BABAM2: variants seen among roughly 807,000 people sequenced by gnomAD.
BABAM2 encodes the protein BRISC and BRCA1-A complex member 2.
Under a neutral mutation model 54.7 loss-of-function variants are expected in BABAM2, and 31 were observed. That is an observed-to-expected ratio of 0.57 (90% CI 0.43 to 0.77). The LOEUF (loss-of-function observed/expected upper bound fraction) is 0.77. Among genes scored for constraint, BABAM2 ranks in the 30% least tolerant of loss-of-function variants. The probability of loss-of-function intolerance (pLI) is 0.00; values close to 1 mark genes in which losing one functional copy is unlikely to be tolerated. For missense variants in BABAM2, 364 were observed against 455.8 expected (o/e 0.80, Z 1.83); for synonymous variants, 167 against 162.9 (o/e 1.03, Z -0.19).
chr2:28,079,593 G>A (rs1046503590), intron 6 of BABAM2, among the ~76,000 whole-genome samples: 3 of 152,006 alleles, frequency 2.0e-5, no homozygotes, highest in East Asian at 1.9e-4. Context: ...TGGTCTGATC[G>A]TTGTATATTT....
chr2:28,089,924 C>T (rs2148689333), intron 6 of BABAM2, among the ~76,000 whole-genome samples: 1 of 151,692 alleles, frequency 6.6e-6, no homozygotes, highest in African/African-American at 2.4e-5. Context: ...TATGAGTTAG[C>T]ATTATTTTAT....
rs745451691 is a variant in BABAM2, at chr2:28,338,601, A to T, written c.*88A>T. 8.7e-6 allele frequency: 13 copies of T among 1,491,576 alleles called. No homozygotes were observed. Among genetic ancestry groups the T allele is most frequent in the Non-Finnish European group, 1.0e-5 (11 of 1,071,952 alleles). The allele number at this position is 1,491,576 out of a possible 1,614,324, so 92.4% of individuals were successfully genotyped here. On this transcript the variant is annotated 3_prime_UTR_variant, in exon 12 of 12. Coordinates refer to ENST00000379624, the MANE Select transcript of BABAM2 (RefSeq NM_199191.3). ...AGCCGCTTCCTGGAAGCCGCCTGGAATGTCTTCACGGCAGCGTTTTGCTCA... is the reference window on the plus strand; with the variant it reads ...AGCCGCTTCCTGGAAGCCGCCTGGATTGTCTTCACGGCAGCGTTTTGCTCA...
chr2:28,206,077 T>A lies in BABAM2; in HGVS notation c.681-31125T>A, dbSNP rs1306805349. Among the ~76,000 whole-genome samples the A allele has an allele frequency of 2.0e-5, 3 of 152,174 alleles. No individual in the cohort carries two copies. In the East Asian group the frequency reaches 5.8e-4, roughly 29 times the overall value. On this transcript the variant is annotated intron_variant, in intron 7 of 11. Coordinates refer to ENST00000379624, the MANE Select transcript of BABAM2 (RefSeq NM_199191.3). ...GGTTTCCAGGTAAAGGGGCCTACAA[T>A]GAGCAAATGCATTTATTTTCCAGTA...
chr2:28,315,133 AAGG>A (rs1039220439), intron 11 of BABAM2, among the ~76,000 whole-genome samples: 5 of 77,148 alleles, frequency 6.5e-5, no homozygotes, highest in Non-Finnish European at 1.2e-4. Flanking sequence ...GAAGGGAGAG[AAGG>A]AGAGGGGAGG....
At chr2:28,225,011 A>G (rs745871589) in intron 7 of BABAM2, among the ~76,000 whole-genome samples, 1 of 152,214 alleles carries the variant, frequency 6.6e-6, no homozygotes. Flanking sequence ...ATAGGGAGTG[A>G]ACTGTTTAGT....
chr2:28,019,025 A>G (rs1675057040), intron 4 of BABAM2, among the ~76,000 whole-genome samples: 1 of 151,474 alleles, frequency 6.6e-6, no homozygotes, highest in African/African-American at 2.4e-5. Flanking sequence ...GACAGGCCCC[A>G]GTGTGTGAAG....
At chr2:28,303,973 C>A (rs540901705) in intron 11 of BABAM2, among the ~76,000 whole-genome samples, 120 of 152,236 alleles carry the variant, frequency 7.9e-4, no homozygotes, top group Non-Finnish European at 1.4e-3. Context: ...CTCTGCCTCC[C>A]AGATTCAAAA....
intron 2 of BABAM2, among the ~76,000 whole-genome samples, chr2:27,919,368 G>A (rs1218138157): frequency 1.3e-5 from 2 of 152,112 alleles, no homozygotes; most frequent in Admixed American, 1.3e-4. Context: ...TCCTGGCTAA[G>A]ACCTCCAGTA....
At chr2:28,059,091 C>T (rs777709462) in intron 6 of BABAM2, among the ~76,000 whole-genome samples, 7 of 152,114 alleles carry the variant, frequency 4.6e-5, no homozygotes, top group Non-Finnish European at 1.0e-4. Flanking sequence ...TCACCCAGCA[C>T]GCCCCTCCTT....
At chr2:28,065,435 C>T (rs1679237414) in intron 6 of BABAM2, among the ~76,000 whole-genome samples, 1 of 152,176 alleles carries the variant, frequency 6.6e-6, no homozygotes, top group Non-Finnish European at 1.5e-5. Context: ...GGAGCCACTC[C>T]TTGGGTTGTG....
rs193299052 is a variant in BABAM2 at position 28,168,425 on chromosome 2, G to C, written c.680+39045G>C. Among the ~76,000 whole-genome samples, 31 of 152,270 alleles carry C rather than the reference G, an allele frequency of 2.0e-4. No individual in the cohort carries two copies. The East Asian group carries it at 5.6e-3, about 28-fold the overall frequency. ...CATAGCCTACTTCTTCTGGAGGTCTGTGTGTGACATGGTGTGGCATCATAG... is the reference window on the plus strand; with the variant it reads ...CATAGCCTACTTCTTCTGGAGGTCTCTGTGTGACATGGTGTGGCATCATAG... On this transcript the variant is annotated intron_variant, in intron 7 of 11. Coordinates refer to ENST00000379624, the MANE Select transcript of BABAM2 (RefSeq NM_199191.3).
intron 2 of BABAM2, among the ~76,000 whole-genome samples, chr2:27,905,532 G>T (rs1666129009): frequency 1.3e-5 from 2 of 152,090 alleles, no homozygotes; most frequent in South Asian, 4.1e-4. Context: ...TGGTCATAAT[G>T]TTCACGTTAT....
At chr2:28,139,629 CAGG>C (rs889347293) in intron 7 of BABAM2, among the ~76,000 whole-genome samples, 2 of 152,094 alleles carry the variant, frequency 1.3e-5, no homozygotes, top group African/African-American at 4.8e-5. Flanking sequence ...TGTTTTGTTG[CAGG>C]AGGACTCTAG....
intron 7 of BABAM2, among the ~76,000 whole-genome samples, chr2:28,181,154 T>G (rs1368909446): frequency 6.6e-6 from 1 of 152,198 alleles, no homozygotes; most frequent in Non-Finnish European, 1.5e-5. Context: ...AGGAGATACC[T>G]GTACCCCCAT....
At chr2:27,953,579 A>G (rs1402836620) in intron 3 of BABAM2, among the ~76,000 whole-genome samples, 5 of 150,826 alleles carry the variant, frequency 3.3e-5, no homozygotes, top group Non-Finnish European at 5.9e-5. Context: ...GGCATGAACC[A>G]CCGCACTGGG....
intron 6 of BABAM2, among the ~76,000 whole-genome samples, chr2:28,056,051 T>C (rs975608621): frequency 6.6e-6 from 1 of 152,052 alleles, no homozygotes; most frequent in African/African-American, 2.4e-5. Context: ...ATTTCAAATA[T>C]ATGTGGAGAA....
chr2:28,018,160 C>T (rs1266479587), intron 4 of BABAM2, among the ~76,000 whole-genome samples: 1 of 152,106 alleles, frequency 6.6e-6, no homozygotes, highest in African/African-American at 2.4e-5. Context: ...TTCCTGAGTC[C>T]CCAAAGTCCA....
upstream of BABAM2, among the ~76,000 whole-genome samples, chr2:27,889,148 GGAAATTTGGTAACACA>G (rs1573087922): frequency 6.6e-6 from 1 of 152,082 alleles, no homozygotes; most frequent in East Asian, 1.9e-4. Flanking sequence ...TAATCTCAGT[GGAAATTTGGTAACACA>G]GCTTATAAAT....
At chr2:28,126,883 CT>C (rs1331750496) in intron 6 of BABAM2, among the ~76,000 whole-genome samples, 1 of 147,330 alleles carries the variant, frequency 6.8e-6, no homozygotes, top group East Asian at 2.0e-4. Flanking sequence ...TTGCATTTCT[CT>C]GATGGCCAGT....
Sources: allele counts gnomAD v4.1 joint callset (sites outside exome capture counted in the v4.1 genomes callset), GRCh38; gene constraint gnomAD v4.1.1; transcripts MANE v1.5; gene names NCBI Gene and HGNC (gene_info 2026-07-23, HGNC 2026-07-21).